Variants in CCDC60 observed in about 807,000 individuals in gnomAD.
The protein encoded by CCDC60 is coiled-coil domain-containing protein 60.
In CCDC60, 54 loss-of-function variants were observed where a neutral mutation model predicts 63.5. The observed-to-expected ratio is 0.85, with a 90% confidence interval of 0.68 to 1.07. The LOEUF is 1.07. CCDC60 is among the 50% of genes least tolerant of loss of function. CCDC60 has a pLI of 0.00. For missense variants in CCDC60, 651 were observed against 684.3 expected, an observed-to-expected ratio of 0.95 and a Z score of 0.54; for synonymous variants, 206 against 238.8, an observed-to-expected ratio of 0.86 and a Z score of 1.27.
At chr12:119,366,667 C>T (rs1955843533) in intron 1 of CCDC60, among the ~76,000 whole-genome samples, 1 of 152,122 alleles carries the variant, frequency 6.6e-6, no homozygotes, top group African/African-American at 2.4e-5. Context: ...TGCCTGTTCT[C>T]CTGATTTAAT....
At chr12:119,361,370 T>C (rs1305819779) in intron 1 of CCDC60, among the ~76,000 whole-genome samples, 1 of 152,214 alleles carries the variant, frequency 6.6e-6, no homozygotes, top group Non-Finnish European at 1.5e-5. Flanking sequence ...TCCAAGAGTT[T>C]AGACAAAGTC....
intron 7 of CCDC60, among the ~76,000 whole-genome samples, chr12:119,515,580 C>T (rs545980197): frequency 1.0e-3 from 153 of 152,184 alleles, no homozygotes; most frequent in African/African-American, 2.6e-3. Context: ...CCTCCCACCC[C>T]GGCCTCCCAA....
At chr12:119,512,675 G>T (rs1216819431) in intron 7 of CCDC60, among the ~76,000 whole-genome samples, 2 of 152,116 alleles carry the variant, frequency 1.3e-5, no homozygotes, top group African/African-American at 4.8e-5. Flanking sequence ...GTTCTGAGAT[G>T]GTGCAAGCCA....
chr12:119,436,299 G>A (rs2136247246), intron 2 of CCDC60, among the ~76,000 whole-genome samples: 1 of 152,166 alleles, frequency 6.6e-6, no homozygotes, highest in East Asian at 1.9e-4. Context: ...TCACTCTTGG[G>A]AATGTAAAGT....
At chr12:119,408,437 A>G (rs1281441597) in intron 1 of CCDC60, among the ~76,000 whole-genome samples, 1 of 152,182 alleles carries the variant, frequency 6.6e-6, no homozygotes, top group East Asian at 1.9e-4. Context: ...GAGCTCATAC[A>G]CTTGGCTATT....
At chr12:119,433,551 T>C in intron 2 of CCDC60, 1 of 702,344 alleles carries the variant, frequency 1.4e-6, no homozygotes, top group Non-Finnish European at 2.6e-6. Flanking sequence ...AAACACCATG[T>C]TTTCCAAGGG....
intron 2 of CCDC60, among the ~76,000 whole-genome samples, chr12:119,439,414 C>T (rs2136254993): frequency 6.6e-6 from 1 of 152,128 alleles, no homozygotes; most frequent in Non-Finnish European, 1.5e-5. Flanking sequence ...CCTTAATTTA[C>T]CAGTGGGAGA....
intron 1 of CCDC60, among the ~76,000 whole-genome samples, chr12:119,349,401 A>G (rs1955631833): frequency 7.3e-6 from 1 of 137,196 alleles, no homozygotes; most frequent in South Asian, 2.3e-4. Flanking sequence ...GCTAGAGTGC[A>G]GTGGCACAAT....
At chr12:119,496,328 T>C (rs564297054) in intron 5 of CCDC60, among the ~76,000 whole-genome samples, 1 of 152,214 alleles carries the variant, frequency 6.6e-6, no homozygotes, top group Non-Finnish European at 1.5e-5. Flanking sequence ...TGGATAGACA[T>C]CTTCAAGTGA....
intron 6 of CCDC60, among the ~76,000 whole-genome samples, chr12:119,500,796 G>A (rs999372750): frequency 6.6e-6 from 1 of 152,176 alleles, no homozygotes; most frequent in Non-Finnish European, 1.5e-5. Flanking sequence ...GGAGGCTGCA[G>A]TGAGCTATGA....
At chr12:119,473,973 G>A (rs528447725) in intron 3 of CCDC60, among the ~76,000 whole-genome samples, 2 of 152,286 alleles carry the variant, frequency 1.3e-5, no homozygotes, top group Admixed American at 6.5e-5. Context: ...CTTTTCCTCT[G>A]AGTAGATACT....
chr12:119,540,492 A>T (rs568032194), intron 13 of CCDC60, 122 bp from the exon 14 acceptor site: 3 of 726,156 alleles, frequency 4.1e-6, no homozygotes, highest in East Asian at 5.0e-5. Context: ...TGAATGCCCA[A>T]ATGGTATTCC....
chr12:119,352,080 A>G (rs113944774), intron 1 of CCDC60, among the ~76,000 whole-genome samples: 4 of 152,332 alleles, frequency 2.6e-5, no homozygotes, highest in East Asian at 1.9e-4. Context: ...AATCATGGCA[A>G]AAGGGCAAAG....
intron 1 of CCDC60, among the ~76,000 whole-genome samples, chr12:119,417,275 A>G (rs1056353876): frequency 3.3e-5 from 5 of 152,102 alleles, no homozygotes; most frequent in African/African-American, 1.2e-4. Context: ...GCTACATTGT[A>G]TGATGTACAA....
chr12:119,458,546 T>C (rs984783040), intron 2 of CCDC60, among the ~76,000 whole-genome samples: 2 of 152,176 alleles, frequency 1.3e-5, no homozygotes, highest in Non-Finnish European at 2.9e-5. Context: ...ACTCACTGCC[T>C]CCCAAATCTT....
intron 1 of CCDC60, among the ~76,000 whole-genome samples, chr12:119,414,096 A>G (rs532587219): frequency 3.9e-5 from 6 of 151,934 alleles, no homozygotes; most frequent in African/African-American, 1.4e-4. Context: ...TTGGCTAACC[A>G]CAACCCCTGC....
chr12:119,397,167 G>C (rs1421366544), intron 1 of CCDC60, among the ~76,000 whole-genome samples: 1 of 152,190 alleles, frequency 6.6e-6, no homozygotes, highest in Non-Finnish European at 1.5e-5. Context: ...TTCATGGTGA[G>C]CATTACAGCT....
At chr12:119,533,697 T>C (rs947461883) in intron 13 of CCDC60, among the ~76,000 whole-genome samples, 3 of 152,222 alleles carry the variant, frequency 2.0e-5, no homozygotes, top group Non-Finnish European at 2.9e-5. Context: ...ATTGCTTGTT[T>C]TTGTCAGGTT....
intron 1 of CCDC60, among the ~76,000 whole-genome samples, chr12:119,419,578 C>G (rs1302163874): frequency 6.6e-6 from 1 of 152,152 alleles, no homozygotes; most frequent in Non-Finnish European, 1.5e-5. Context: ...TGGGGTTAAA[C>G]CTTGAGACTG....
Sources: gnomAD v4.1 joint callset for allele counts (sites outside exome capture counted in the v4.1 genomes callset) on GRCh38, gnomAD v4.1.1 for gene constraint, MANE v1.5 for transcripts, NCBI Gene and HGNC (gene_info 2026-07-23, HGNC 2026-07-21) for gene names.